The following GALNTL6 variants were observed in gnomAD, a reference collection of about 807,000 sequenced individuals.
GALNTL6 encodes the protein polypeptide N-acetylgalactosaminyltransferase-like 6.
GALNTL6 carries 46 observed loss-of-function variants against 73.7 expected under a neutral mutation model. The observed-to-expected ratio is 0.62, with a 90% confidence interval of 0.49 to 0.80. The LOEUF (loss-of-function observed/expected upper bound fraction) is 0.80. GALNTL6 is among the 30% of genes least tolerant of loss of function. The probability of loss-of-function intolerance (pLI) is 0.00; values close to 1 mark genes in which losing one functional copy is unlikely to be tolerated. For synonymous variants in GALNTL6, 259 were observed against 263.7 expected (o/e 0.98, Z 0.17); for missense variants, 604 against 755.0 (o/e 0.80, Z 2.34).
At chr4:172,772,787 G>A (rs991994454) in intron 5 of GALNTL6, among the ~76,000 whole-genome samples, 15 of 152,140 alleles carry the variant, frequency 9.9e-5, no homozygotes, top group Admixed American at 4.6e-4. Flanking sequence ...TACAGCAAGA[G>A]GGACTTTGTG....
intron 2 of GALNTL6, among the ~76,000 whole-genome samples, chr4:171,828,224 T>A (rs1221733983): frequency 6.6e-6 from 1 of 152,180 alleles, no homozygotes; most frequent in Non-Finnish European, 1.5e-5. Context: ...TACAGTGGGT[T>A]CAAGTATCAC....
intron 2 of GALNTL6, among the ~76,000 whole-genome samples, chr4:172,225,345 A>G (rs535458590): frequency 1.3e-5 from 2 of 151,890 alleles, no homozygotes; most frequent in South Asian, 4.2e-4. Flanking sequence ...TAGTCTTTAT[A>G]TTGGTCATCA....
chr4:172,608,500 T>C (rs1738393980), intron 5 of GALNTL6, among the ~76,000 whole-genome samples: 1 of 152,182 alleles, frequency 6.6e-6, no homozygotes, highest in Non-Finnish European at 1.5e-5. Flanking sequence ...TGTCTGTTTT[T>C]GTACCATTGC....
At chr4:172,621,183 C>A (rs981840247) in intron 5 of GALNTL6, among the ~76,000 whole-genome samples, 3 of 152,122 alleles carry the variant, frequency 2.0e-5, no homozygotes, top group Non-Finnish European at 4.4e-5. Context: ...GATCCTTCCA[C>A]CTCAGCCTCC....
At chr4:172,088,810 G>T (rs111875733) in intron 2 of GALNTL6, among the ~76,000 whole-genome samples, 2 of 152,160 alleles carry the variant, frequency 1.3e-5, no homozygotes, top group African/African-American at 4.8e-5. Context: ...GTGATTCAGA[G>T]ATAACAGCAG....
At chr4:171,817,218 T>A (rs1221269755) in intron 2 of GALNTL6, among the ~76,000 whole-genome samples, 1 of 152,022 alleles carries the variant, frequency 6.6e-6, no homozygotes, top group Non-Finnish European at 1.5e-5. Context: ...ATGAGTGAAC[T>A]ATTTTTACAG....
intron 5 of GALNTL6, among the ~76,000 whole-genome samples, chr4:172,369,246 A>G (rs180750940): frequency 6.6e-6 from 1 of 152,322 alleles, no homozygotes; most frequent in Admixed American, 6.5e-5. Context: ...TCCTCTAGCT[A>G]GGCATAAAAG....
chr4:172,821,576 G>C (rs1318811992), intron 7 of GALNTL6, among the ~76,000 whole-genome samples: 4 of 152,186 alleles, frequency 2.6e-5, no homozygotes, highest in Non-Finnish European at 4.4e-5. Context: ...TCAGCTTTCA[G>C]TTACTAATGA....
chr4:172,314,775 A>T (rs981567116), intron 4 of GALNTL6, among the ~76,000 whole-genome samples: 1 of 151,354 alleles, frequency 6.6e-6, no homozygotes, highest in Non-Finnish European at 1.5e-5. Flanking sequence ...GCCTGGCTAA[A>T]TTTTTTGTAT....
intron 2 of GALNTL6, among the ~76,000 whole-genome samples, chr4:171,937,710 A>G (rs1020634006): frequency 2.0e-5 from 3 of 152,188 alleles, no homozygotes; most frequent in African/African-American, 7.2e-5. Context: ...AGAGTCTTCC[A>G]GAAAAATTGG....
chr4:171,951,326 G>A (rs905353007), intron 2 of GALNTL6, among the ~76,000 whole-genome samples: 1 of 151,976 alleles, frequency 6.6e-6, no homozygotes, highest in African/African-American at 2.4e-5. Context: ...CTAGAAATAT[G>A]TAAGTATTAT....
chr4:172,104,077 G>T (rs1187697831), intron 2 of GALNTL6, among the ~76,000 whole-genome samples: 1 of 151,786 alleles, frequency 6.6e-6, no homozygotes, highest in African/African-American at 2.4e-5. Flanking sequence ...CCGAGTAGCT[G>T]GGACTACAGG....
At chr4:172,343,052 G>T (rs897213419) in intron 4 of GALNTL6, among the ~76,000 whole-genome samples, 2 of 152,154 alleles carry the variant, frequency 1.3e-5, no homozygotes, top group Non-Finnish European at 2.9e-5. Flanking sequence ...AAGCAAAAAA[G>T]GGAATAGTTA....
At chr4:171,863,642 A>C (rs544718488) in intron 2 of GALNTL6, among the ~76,000 whole-genome samples, 57 of 152,318 alleles carry the variant, frequency 3.7e-4, no homozygotes, top group Non-Finnish European at 6.6e-4. Flanking sequence ...TAAAGTTAAC[A>C]CTGAGCTGGA....
At chr4:172,860,624 A>G (rs1261491623) in intron 7 of GALNTL6, among the ~76,000 whole-genome samples, 6 of 152,212 alleles carry the variant, frequency 3.9e-5, no homozygotes, top group Admixed American at 6.5e-5. Flanking sequence ...TAGGAAAACT[A>G]ATAAAGATTG....
chr4:172,005,489 A>C (rs1321579114), intron 2 of GALNTL6, among the ~76,000 whole-genome samples: 1 of 152,130 alleles, frequency 6.6e-6, no homozygotes, highest in Non-Finnish European at 1.5e-5. Flanking sequence ...GTAAGAGAAT[A>C]AACCCTACAC....
chr4:172,024,083 T>G (rs1741481587), intron 2 of GALNTL6, among the ~76,000 whole-genome samples: 1 of 151,874 alleles, frequency 6.6e-6, no homozygotes, highest in African/African-American at 2.4e-5. Flanking sequence ...CTCATTCTGC[T>G]TAGGTTTTAG....
chr4:172,317,561 A>T (rs62329874), intron 4 of GALNTL6, among the ~76,000 whole-genome samples: 61,103 of 152,132 alleles, frequency 0.4, 14,827 homozygotes, highest in South Asian at 0.62. Context: ...TTGTAAATAC[A>T]TAATTAGATT....
At position 172,629,167 on chromosome 4, in the gene GALNTL6, GGT is replaced by G. The variant is rs577233040; in HGVS notation, c.554-180187_554-180186del. ...TGCCTTTGTGTATGTCTCTGTGTGT[GGT>G]GTGTGTCTGTGTGTTTTCTTCTGTT... On this transcript the variant is annotated intron_variant, in intron 5 of 12. Coordinates refer to ENST00000506823, the MANE Select transcript of GALNTL6 (RefSeq NM_001034845.3). Among the ~76,000 whole-genome samples the G allele has an allele frequency of 9.2e-4, 140 of 152,168 alleles. 1 individual carries two copies. The highest frequency in any genetic ancestry group is 3.1e-3 in the African/African-American group (127 of 41,524).
Sources: gnomAD v4.1 joint callset for allele counts (sites outside exome capture counted in the v4.1 genomes callset) on GRCh38, gnomAD v4.1.1 for gene constraint, MANE v1.5 for transcripts, NCBI Gene and HGNC (gene_info 2026-07-23, HGNC 2026-07-21) for gene names.